Variants in TXNDC16 observed in about 807,000 individuals in gnomAD.
The protein encoded by TXNDC16 is thioredoxin domain-containing protein 16.
In TXNDC16, 74 loss-of-function variants were observed where a neutral mutation model predicts 85.6. The ratio of observed to expected loss-of-function variants is 0.86; its 90% CI spans 0.72 to 1.05. The LOEUF is 1.05. Among genes scored for constraint, TXNDC16 ranks in the 50% least tolerant of loss-of-function variants. TXNDC16 has a pLI of 0.00. For synonymous variants in TXNDC16, 335 were observed against 326.5 expected (o/e 1.03, Z -0.28); for missense variants, 959 against 947.0 (o/e 1.01, Z -0.17).
chr14:52,463,482 C>A (rs1035904626), intron 16 of TXNDC16, among the ~76,000 whole-genome samples: 1 of 152,184 alleles, frequency 6.6e-6, no homozygotes, highest in African/African-American at 2.4e-5. Flanking sequence ...GCAGCCCCCC[C>A]AAACCAGAAT....
At chr14:52,551,665 A>G (rs1211881800) in intron 1 of TXNDC16, among the ~76,000 whole-genome samples, 3 of 152,136 alleles carry the variant, frequency 2.0e-5, no homozygotes, top group Non-Finnish European at 4.4e-5. Context: ...AATAGGAAAA[A>G]AAAAAGTCAA....
chr14:52,453,316 T>C (rs551139709), intron 18 of TXNDC16, among the ~76,000 whole-genome samples: 2 of 152,314 alleles, frequency 1.3e-5, no homozygotes, highest in South Asian at 2.1e-4. Flanking sequence ...CATTCAGCAA[T>C]GTGACTCCTG....
At chr14:52,443,844 C>G (rs996320467) in intron 18 of TXNDC16, among the ~76,000 whole-genome samples, 2 of 151,938 alleles carry the variant, frequency 1.3e-5, no homozygotes, top group African/African-American at 2.4e-5. Flanking sequence ...TATGTCTAGT[C>G]AAAAGAGAAA....
At chr14:52,548,733 T>C (rs2037988773) in intron 1 of TXNDC16, among the ~76,000 whole-genome samples, 1 of 151,822 alleles carries the variant, frequency 6.6e-6, no homozygotes, top group Non-Finnish European at 1.5e-5. Context: ...ATACAAAAAA[T>C]TAGCTGGGCA....
chr14:52,436,785 A>G (rs552529785), intron 20 of TXNDC16, among the ~76,000 whole-genome samples: 1 of 152,284 alleles, frequency 6.6e-6, no homozygotes, highest in African/African-American at 2.4e-5. Flanking sequence ...ATAATATTGA[A>G]TGAGAATTTG....
intron 18 of TXNDC16, among the ~76,000 whole-genome samples, chr14:52,454,331 C>G (rs2035478840): frequency 6.6e-6 from 1 of 150,400 alleles, no homozygotes; most frequent in Non-Finnish European, 1.5e-5. Flanking sequence ...GAAGCTGAAG[C>G]AAGAGAATCA....
chr14:52,528,901 T>A (rs1311441143), intron 6 of TXNDC16, among the ~76,000 whole-genome samples: 1 of 147,374 alleles, frequency 6.8e-6, no homozygotes, highest in African/African-American at 2.5e-5. Context: ...ATACCTATTA[T>A]ATATATTATC....
chr14:52,499,617 AAAAAAG>A (rs1319735039), intron 9 of TXNDC16, among the ~76,000 whole-genome samples: 1 of 151,812 alleles, frequency 6.6e-6, no homozygotes, highest in Non-Finnish European at 1.5e-5. Context: ...ATCAAAAAAA[AAAAAAG>A]AAAAGAAAGA....
At chr14:52,540,648 C>T (rs2037809731) in intron 4 of TXNDC16, among the ~76,000 whole-genome samples, 1 of 151,998 alleles carries the variant, frequency 6.6e-6, no homozygotes, top group Admixed American at 6.6e-5. Context: ...AAAAAAACTT[C>T]TATGGCACTT....
At chr14:52,502,060 C>T (rs923788208) in intron 9 of TXNDC16, among the ~76,000 whole-genome samples, 2 of 152,204 alleles carry the variant, frequency 1.3e-5, no homozygotes, top group Non-Finnish European at 2.9e-5. Flanking sequence ...CTAGGCCTCA[C>T]TCTGCCAAGT....
At chr14:52,467,931 T>C (rs2035815367) in intron 16 of TXNDC16, among the ~76,000 whole-genome samples, 1 of 152,182 alleles carries the variant, frequency 6.6e-6, no homozygotes, top group African/African-American at 2.4e-5. Context: ...TGGAAGGAAA[T>C]TCTGACACAC....
chr14:52,491,013 G>GAAA lies in TXNDC16; in HGVS notation c.757-11_757-9dup, dbSNP rs369712294. 926 of 1,194,956 alleles carry GAAA rather than the reference G, an allele frequency of 7.7e-4. No individual in the cohort carries two copies. The highest frequency in any genetic ancestry group is 4.0e-3 in the South Asian group (208 of 51,382). 74.0% of individuals were successfully genotyped at this position (1,194,956 alleles called of 1,614,324 possible). ...ATCTTCAGCAACTTCAGTCTTCATT[G>GAAA]AAAAAAAAAAAAAAAAAAGGTGTGA... On this transcript the variant is annotated splice_polypyrimidine_tract_variant and intron_variant, in intron 9 of 20. Coordinates refer to ENST00000281741, the MANE Select transcript of TXNDC16 (RefSeq NM_020784.3).
At chr14:52,448,451 A>C (rs2035334171) in intron 18 of TXNDC16, among the ~76,000 whole-genome samples, 2 of 152,006 alleles carry the variant, frequency 1.3e-5, no homozygotes, top group South Asian at 2.1e-4. Flanking sequence ...ATATCCTTCA[A>C]ATATGAAGGA....
intron 16 of TXNDC16, among the ~76,000 whole-genome samples, chr14:52,468,928 A>G (rs2035838095): frequency 6.6e-6 from 1 of 152,146 alleles, no homozygotes; most frequent in Non-Finnish European, 1.5e-5. Context: ...CAATTTATAG[A>G]AGACATACGT....
intron 18 of TXNDC16, among the ~76,000 whole-genome samples, chr14:52,442,648 ACTT>A (rs1266320168): frequency 6.6e-6 from 1 of 152,116 alleles, no homozygotes; most frequent in East Asian, 1.9e-4. Context: ...ATCTTAGATC[ACTT>A]TTTCTCCAAA....
intron 18 of TXNDC16, among the ~76,000 whole-genome samples, chr14:52,446,421 T>C (rs1363556081): frequency 6.6e-6 from 1 of 152,160 alleles, no homozygotes; most frequent in Admixed American, 6.6e-5. Flanking sequence ...AAGTCAGAAC[T>C]TGAATTACAG....
Position 52,514,971 on chromosome 14 carries a change from C to T in TXNDC16, c.515-1G>A. Reference sequence around the variant, plus strand: ...GCGGCTTCCATGACTGCTCTGTGCTCTGAAGAAGAGATAAAGGGAGTTGGA... The same window carrying T: ...GCGGCTTCCATGACTGCTCTGTGCTTTGAAGAAGAGATAAAGGGAGTTGGA... On this transcript the variant is annotated splice_acceptor_variant, in intron 7 of 20. Transcript: ENST00000281741. LOFTEE classifies it high-confidence loss of function. 1 of 1,608,422 alleles carries T rather than the reference C, an allele frequency of 6.2e-7. No individual in the cohort carries two copies. Among genetic ancestry groups the T allele is most frequent in the Non-Finnish European group, 8.5e-7 (1 of 1,176,986 alleles).
Position 52,432,647 on chromosome 14 carries a change from T to G in TXNDC16, c.2195-60A>C. ...ACAGCTATAAATCGTCACATCAACA[T>G]ATTAGAAAATGTTTTATTTTGAAAA... On this transcript the variant is annotated intron_variant, in intron 20 of 20. Coordinates refer to ENST00000281741, the MANE Select transcript of TXNDC16 (RefSeq NM_020784.3). 2.2e-6 allele frequency: 3 copies of G among 1,377,632 alleles called. No homozygotes were observed. The South Asian group carries it at 4.8e-5, about 22-fold the overall frequency. The allele number at this position is 1,377,632 out of a possible 1,614,324, so 85.3% of individuals were successfully genotyped here.
chr14:52,434,573 A>G (rs1486622761), intron 20 of TXNDC16, among the ~76,000 whole-genome samples: 2 of 152,150 alleles, frequency 1.3e-5, no homozygotes, highest in South Asian at 2.1e-4. Flanking sequence ...AATCTCAAGT[A>G]AGAATTGCCA....
Sources: allele counts gnomAD v4.1 joint callset (sites outside exome capture counted in the v4.1 genomes callset), GRCh38; gene constraint gnomAD v4.1.1; transcripts MANE v1.5; gene names NCBI Gene and HGNC (gene_info 2026-07-23, HGNC 2026-07-21).